Variants in GALNTL6 observed in about 807,000 individuals in gnomAD.
The protein encoded by GALNTL6 is polypeptide N-acetylgalactosaminyltransferase-like 6.
GALNTL6 carries 46 observed loss-of-function variants against 73.7 expected under a neutral mutation model. The observed-to-expected ratio is 0.62, with a 90% CI of 0.49 to 0.80. The LOEUF is 0.80. Among genes scored for constraint, GALNTL6 ranks in the 30% least tolerant of loss-of-function variants. The pLI is 0.00. For synonymous variants in GALNTL6, 259 were observed against 263.7 expected (o/e 0.98, Z 0.17); for missense variants, 604 against 755.0 (o/e 0.80, Z 2.34).
chr4:172,792,518 C>T (rs1740050855), intron 5 of GALNTL6, among the ~76,000 whole-genome samples: 1 of 151,920 alleles, frequency 6.6e-6, no homozygotes, highest in Non-Finnish European at 1.5e-5. Context: ...AAATATTTTA[C>T]CTGTGAATGT....
At chr4:172,151,828 C>A (rs4692913) in intron 2 of GALNTL6, among the ~76,000 whole-genome samples, 1 of 151,372 alleles carries the variant, frequency 6.6e-6, no homozygotes, top group Admixed American at 6.6e-5. Flanking sequence ...TCATGGGGGA[C>A]GGCTGTGACA....
intron 2 of GALNTL6, among the ~76,000 whole-genome samples, chr4:171,881,613 C>G (rs2110912333): frequency 6.6e-6 from 1 of 152,266 alleles, no homozygotes; most frequent in Non-Finnish European, 1.5e-5. Context: ...ATCTTTCAAT[C>G]CAATCAAGCT....
At chr4:172,584,870 T>A (rs1438735274) in intron 5 of GALNTL6, among the ~76,000 whole-genome samples, 2 of 152,034 alleles carry the variant, frequency 1.3e-5, no homozygotes, top group African/African-American at 2.4e-5. Flanking sequence ...CCAGGTAGAG[T>A]ATGTGGAGTG....
intron 5 of GALNTL6, among the ~76,000 whole-genome samples, chr4:172,459,762 A>G (rs960154161): frequency 4.6e-5 from 7 of 152,220 alleles, no homozygotes; most frequent in Non-Finnish European, 8.8e-5. Flanking sequence ...AGGAAGAATC[A>G]ACGTTGTCAA....
intron 3 of GALNTL6, among the ~76,000 whole-genome samples, chr4:172,267,011 A>C (rs1458521066): frequency 6.6e-6 from 1 of 152,168 alleles, no homozygotes; most frequent in African/African-American, 2.4e-5. Context: ...ACAGTACTCC[A>C]GTTAATTTCA....
intron 2 of GALNTL6, among the ~76,000 whole-genome samples, chr4:171,831,145 A>G (rs552944): frequency 0.98 from 148,914 of 152,146 alleles, 72,970 homozygotes; most frequent in Middle Eastern, 1. Flanking sequence ...CTCCAGCACA[A>G]GTCCTCCTTT....
chr4:172,338,300 G>A (rs1029117021), intron 4 of GALNTL6, among the ~76,000 whole-genome samples: 3 of 152,072 alleles, frequency 2.0e-5, no homozygotes, highest in Non-Finnish European at 4.4e-5. Flanking sequence ...GAGAGTGAGC[G>A]TGATCCTTTC....
intron 5 of GALNTL6, among the ~76,000 whole-genome samples, chr4:172,454,603 A>G (rs1469667931): frequency 2.6e-5 from 4 of 152,246 alleles, no homozygotes; most frequent in Non-Finnish European, 5.9e-5. Flanking sequence ...AAGATTAGAA[A>G]TAATTGGTGC....
chr4:172,148,446 T>C (rs774203557), intron 2 of GALNTL6, among the ~76,000 whole-genome samples: 53 of 152,152 alleles, frequency 3.5e-4, no homozygotes, highest in Admixed American at 4.6e-4. Context: ...AGCCAGAATT[T>C]AGCAGCCTCA....
intron 2 of GALNTL6, among the ~76,000 whole-genome samples, chr4:171,923,059 T>C (rs548677313): frequency 5.9e-5 from 9 of 152,182 alleles, no homozygotes; most frequent in African/African-American, 2.2e-4. Flanking sequence ...ACCACAAATA[T>C]AAATAATATT....
intron 5 of GALNTL6, among the ~76,000 whole-genome samples, chr4:172,461,617 C>T (rs1157184749): frequency 6.6e-6 from 1 of 152,122 alleles, no homozygotes; most frequent in Non-Finnish European, 1.5e-5. Context: ...ATTCTTTTTG[C>T]ATGACTAAGA....
chr4:171,993,010 GT>G (rs2110741042), intron 2 of GALNTL6, among the ~76,000 whole-genome samples: 1 of 151,322 alleles, frequency 6.6e-6, no homozygotes, highest in South Asian at 2.1e-4. Flanking sequence ...ACTCATTGCA[GT>G]TTCTTTGTGT....
At chr4:171,951,214 G>T (rs1206167022) in intron 2 of GALNTL6, among the ~76,000 whole-genome samples, 2 of 151,854 alleles carry the variant, frequency 1.3e-5, no homozygotes, top group Non-Finnish European at 2.9e-5. Flanking sequence ...ACAGAAGAAA[G>T]AATTATTTTC....
intron 5 of GALNTL6, among the ~76,000 whole-genome samples, chr4:172,632,312 T>C (rs1369966961): frequency 6.6e-6 from 1 of 152,078 alleles, no homozygotes; most frequent in African/African-American, 2.4e-5. Flanking sequence ...GACGGGAACA[T>C]GTGGGAAAGT....
intron 2 of GALNTL6, among the ~76,000 whole-genome samples, chr4:172,170,700 G>C (rs1734789219): frequency 6.6e-6 from 1 of 151,770 alleles, no homozygotes; most frequent in Non-Finnish European, 1.5e-5. Context: ...TTGTACAGAG[G>C]GGCTTGCACC....
chr4:172,417,323 C>T (rs907733902), intron 5 of GALNTL6, among the ~76,000 whole-genome samples: 3 of 152,090 alleles, frequency 2.0e-5, no homozygotes, highest in African/African-American at 7.2e-5. Context: ...GGAAATTATG[C>T]ACAGAATTCA....
chr4:172,874,544 T>G (rs186490024), intron 7 of GALNTL6, among the ~76,000 whole-genome samples: 13 of 152,208 alleles, frequency 8.5e-5, no homozygotes, highest in Admixed American at 2.0e-4. Flanking sequence ...CTATGTTTTA[T>G]GTAAGAGAAG....
chr4:172,706,000 T>A (rs1179457288), intron 5 of GALNTL6, among the ~76,000 whole-genome samples: 1 of 152,084 alleles, frequency 6.6e-6, no homozygotes, highest in Non-Finnish European at 1.5e-5. Context: ...TATACCTGGA[T>A]ATTTATATCT....
At chr4:172,567,269 T>C (rs1736588915) in intron 5 of GALNTL6, among the ~76,000 whole-genome samples, 1 of 152,040 alleles carries the variant, frequency 6.6e-6, no homozygotes. Context: ...CATGCAAATA[T>C]CTGAATTCCA....
Sources: allele counts gnomAD v4.1 joint callset (sites outside exome capture counted in the v4.1 genomes callset), GRCh38; gene constraint gnomAD v4.1.1; transcripts MANE v1.5; gene names NCBI Gene and HGNC (gene_info 2026-07-23, HGNC 2026-07-21).